The following NDST4 variants were observed in gnomAD, a reference collection of about 807,000 sequenced individuals.
NDST4 encodes the protein N-heparan sulfate sulfotransferase 4.
NDST4 carries 63 observed loss-of-function variants against 100.8 expected under a neutral mutation model. That is an observed-to-expected ratio of 0.62 (90% CI 0.51 to 0.77). The LOEUF (loss-of-function observed/expected upper bound fraction) is 0.77, where lower values mean the gene tolerates loss of function less well. Ranked by LOEUF, NDST4 falls within the 30% of genes least tolerant of loss-of-function variation. The pLI is 0.00. For missense variants in NDST4, 943 were observed against 1,018.4 expected, an observed-to-expected ratio of 0.93 and a Z score of 1.01; for synonymous variants, 377 against 361.8, an observed-to-expected ratio of 1.04 and a Z score of -0.48.
chr4:114,928,002 C>T (rs1444433702), intron 6 of NDST4, among the ~76,000 whole-genome samples: 2 of 152,096 alleles, frequency 1.3e-5, no homozygotes, highest in South Asian at 2.1e-4. Flanking sequence ...ACATTTCCCC[C>T]GGGACTTTGA....
At position 114,916,658 on chromosome 4, in the gene NDST4, C is replaced by A. The variant is rs1725180663; in HGVS notation, c.1536+18548G>T. On this transcript the variant is annotated intron_variant, in intron 6 of 13. Transcript: ENST00000264363. ...GTTTTTATGCTTTTTTTTTTTCTGACAGCTCTAAGCATCTTTCTATTTTTT... is the reference window on the plus strand; with the variant it reads ...GTTTTTATGCTTTTTTTTTTTCTGAAAGCTCTAAGCATCTTTCTATTTTTT... 2.7e-5 allele frequency among the ~76,000 whole-genome samples: 4 copies of A among 146,974 alleles called. No homozygotes were observed. The South Asian group carries it at 6.4e-4, about 24-fold the overall frequency.
At position 115,070,832 on chromosome 4, in the gene NDST4, C is replaced by T. The variant is rs145753755; in HGVS notation, c.978+5227G>A. ...AAAAAACTCGTATTCTGGCCGGGCA[C>T]GGTGGCTCATGCCTGTAATCCCAGC... On this transcript the variant is annotated intron_variant, in intron 2 of 13. Coordinates refer to ENST00000264363, the MANE Select transcript of NDST4 (RefSeq NM_022569.3). Among the ~76,000 whole-genome samples the T allele has an allele frequency of 1.8e-3, 280 of 152,166 alleles. 1 individual carries two copies. Among genetic ancestry groups the T allele is most frequent in the East Asian group, 8.3e-3 (43 of 5,158 alleles).
At chr4:114,962,346 T>A (rs1726282004) in intron 4 of NDST4, among the ~76,000 whole-genome samples, 1 of 149,202 alleles carries the variant, frequency 6.7e-6, no homozygotes, top group South Asian at 2.1e-4. Context: ...ATAGCCAGAT[T>A]GAGGATGAAG....
intron 6 of NDST4, among the ~76,000 whole-genome samples, chr4:114,889,188 C>G (rs924454696): frequency 2.6e-5 from 4 of 152,130 alleles, no homozygotes; most frequent in African/African-American, 9.7e-5. Flanking sequence ...ACTTTGCTAC[C>G]AAGTTAAATA....
intron 6 of NDST4, among the ~76,000 whole-genome samples, chr4:114,932,030 G>C (rs142473475): frequency 3.3e-5 from 5 of 151,932 alleles, no homozygotes; most frequent in Non-Finnish European, 5.9e-5. Context: ...AGCCAGTTAA[G>C]GGCCCTATAG....
At chr4:115,102,895 G>A (rs746677523) in intron 1 of NDST4, among the ~76,000 whole-genome samples, 29 of 151,752 alleles carry the variant, frequency 1.9e-4, no homozygotes, top group Non-Finnish European at 3.4e-4. Context: ...TTTTAGTAGA[G>A]ACGGGATTTC....
chr4:114,971,238 T>G (rs1560837296), intron 3 of NDST4, among the ~76,000 whole-genome samples: 1 of 152,148 alleles, frequency 6.6e-6, no homozygotes, highest in Non-Finnish European at 1.5e-5. Flanking sequence ...AATATAAATA[T>G]TTCATAAAAA....
intron 2 of NDST4, among the ~76,000 whole-genome samples, chr4:115,017,756 A>T (rs978615744): frequency 6.6e-6 from 1 of 152,058 alleles, no homozygotes; most frequent in African/African-American, 2.4e-5. Flanking sequence ...GGCAATCATT[A>T]ATAAAAATGT....
intron 6 of NDST4, among the ~76,000 whole-genome samples, chr4:114,899,740 T>C (rs1424065997): frequency 6.6e-6 from 1 of 152,172 alleles, no homozygotes; most frequent in Non-Finnish European, 1.5e-5. Context: ...TTCCTAATAT[T>C]TTGCTGATAA....
At chr4:114,974,039 T>C (rs191288354) in intron 3 of NDST4, among the ~76,000 whole-genome samples, 1 of 151,960 alleles carries the variant, frequency 6.6e-6, no homozygotes, top group East Asian at 1.9e-4. Flanking sequence ...ATTTGAATCT[T>C]ATATGAAAAT....
chr4:114,852,610 G>A, intron 8 of NDST4, 115 bp downstream of exon 8: 1 of 609,782 alleles, frequency 1.6e-6, no homozygotes, highest in Non-Finnish European at 2.8e-6. Flanking sequence ...TAATAAACTT[G>A]CATGGATAGC....
At chr4:114,880,735 A>C (rs765693685) in intron 6 of NDST4, among the ~76,000 whole-genome samples, 1 of 152,188 alleles carries the variant, frequency 6.6e-6, no homozygotes, top group Non-Finnish European at 1.5e-5. Context: ...TTAAATGGGA[A>C]CATAAAAAAG....
chr4:115,014,046 G>GTCC (rs1727620528), intron 2 of NDST4, among the ~76,000 whole-genome samples: 1 of 152,050 alleles, frequency 6.6e-6, no homozygotes, highest in Admixed American at 6.6e-5. Context: ...TGCAGCTGCT[G>GTCC]TATCAGATGT....
At chr4:114,966,057 C>A (rs1244611966) in intron 4 of NDST4, among the ~76,000 whole-genome samples, 1 of 151,962 alleles carries the variant, frequency 6.6e-6, no homozygotes, top group Non-Finnish European at 1.5e-5. Flanking sequence ...TTTTTCTCCA[C>A]CCTACTGCCA....
chr4:114,900,389 T>C (rs886648887), intron 6 of NDST4, among the ~76,000 whole-genome samples: 1 of 151,896 alleles, frequency 6.6e-6, no homozygotes, highest in African/African-American at 2.4e-5. Flanking sequence ...TTTTTTAAGG[T>C]AGAAGCTTAG....
At chr4:114,841,251 T>C (rs546527410) in intron 10 of NDST4, among the ~76,000 whole-genome samples, 61 of 152,314 alleles carry the variant, frequency 4.0e-4, no homozygotes, top group African/African-American at 1.4e-3. Context: ...CTATAGCTCC[T>C]CTGCGAGGTC....
chr4:115,035,761 T>G (rs1728219123), intron 2 of NDST4, among the ~76,000 whole-genome samples: 1 of 152,056 alleles, frequency 6.6e-6, no homozygotes, highest in Non-Finnish European at 1.5e-5. Flanking sequence ...TATGAATGTT[T>G]AAACATAGTG....
At chr4:114,838,798 C>T (rs1723358960) in intron 11 of NDST4, among the ~76,000 whole-genome samples, 1 of 151,228 alleles carries the variant, frequency 6.6e-6, no homozygotes, top group South Asian at 2.1e-4. Context: ...CACATGTAGC[C>T]CAGAACTTTT....
In NDST4 at chr4:115,082,894, C is replaced by T. The variant is rs537032126; in HGVS notation, c.-246-5612G>A. On this transcript the variant is annotated intron_variant, in intron 1 of 13. Transcript: ENST00000264363. ...TTTTATTTTAATTTTAAAAGTTCAG[C>T]TATTCAAAGCCAAAAATGTCTACCA... Among the ~76,000 whole-genome samples, 109 of 152,198 alleles carry T rather than the reference C, an allele frequency of 7.2e-4. 2 individuals carry two copies. In the South Asian group the frequency reaches 0.022, roughly 31 times the overall value.
Sources: gnomAD v4.1 joint callset for allele counts (sites outside exome capture counted in the v4.1 genomes callset) on GRCh38, gnomAD v4.1.1 for gene constraint, MANE v1.5 for transcripts, NCBI Gene and HGNC (gene_info 2026-07-23, HGNC 2026-07-21) for gene names.